GBE1: variants seen among roughly 807,000 people sequenced by gnomAD.
GBE1 encodes 1,4-alpha-glucan branching enzyme 1.
In GBE1, 70 loss-of-function variants were observed where a neutral mutation model predicts 88.8. That is an observed-to-expected ratio of 0.79 (90% CI 0.65 to 0.96). The LOEUF is 0.96. Ranked by LOEUF, GBE1 falls within the 40% of genes least tolerant of loss-of-function variation. The pLI, the probability that GBE1 is intolerant of heterozygous loss-of-function variation, is 0.00. For missense variants in GBE1, 872 were observed against 871.0 expected (o/e 1.00, Z -0.01); for synonymous variants, 284 against 300.1 (o/e 0.95, Z 0.56).
At chr3:81,558,326 T>A (rs1248678945) in intron 12 of GBE1, among the ~76,000 whole-genome samples, 4 of 151,856 alleles carry the variant, frequency 2.6e-5, no homozygotes, top group African/African-American at 7.3e-5. Context: ...TTAGCCACCC[T>A]AAAAAAGACG....
intron 14 of GBE1, among the ~76,000 whole-genome samples, chr3:81,525,652 C>T (rs1183062202): frequency 6.6e-6 from 1 of 151,972 alleles, no homozygotes; most frequent in East Asian, 1.9e-4. Flanking sequence ...GCTGTGAATC[C>T]ATCTGGTCCT....
chr3:81,654,462 G>T (rs1576187069), intron 3 of GBE1: 1 of 152,088 alleles, frequency 6.6e-6, no homozygotes, highest in East Asian at 1.9e-4. Flanking sequence ...TAAAAAATCG[G>T]ATGTGTTCAG....
At chr3:81,739,274 C>G (rs577291257) in intron 1 of GBE1, among the ~76,000 whole-genome samples, 1 of 152,138 alleles carries the variant, frequency 6.6e-6, no homozygotes, top group Non-Finnish European at 1.5e-5. Context: ...TGACCCAAGT[C>G]TCAGCTTTTA....
intron 1 of GBE1, among the ~76,000 whole-genome samples, chr3:81,731,332 C>G (rs1275852945): frequency 6.6e-6 from 1 of 152,092 alleles, no homozygotes; most frequent in Non-Finnish European, 1.5e-5. Flanking sequence ...GATGACTGTA[C>G]ATGATTTTCT....
At chr3:81,552,493 G>C (rs1703284578) in intron 12 of GBE1, among the ~76,000 whole-genome samples, 1 of 145,130 alleles carries the variant, frequency 6.9e-6, no homozygotes, top group Admixed American at 7.0e-5. Flanking sequence ...CTCCAGCCTG[G>C]GAGACAGAGC....
chr3:81,639,823 G>A (rs913896177), intron 7 of GBE1, among the ~76,000 whole-genome samples: 5 of 152,108 alleles, frequency 3.3e-5, no homozygotes, highest in Admixed American at 6.5e-5. Context: ...CTGACAGCCA[G>A]CACCAACCGT....
intron 9 of GBE1, among the ~76,000 whole-genome samples, chr3:81,588,531 A>T (rs1259805074): frequency 6.6e-6 from 1 of 152,128 alleles, no homozygotes; most frequent in Non-Finnish European, 1.5e-5. Flanking sequence ...ACATATGGTA[A>T]TCATGAAACC....
rs1704703616 is a variant in GBE1 at position 81,642,772 on chromosome 3, T to C, written c.992+9A>G. 1.3e-6 allele frequency: 2 copies of C among 1,541,034 alleles called. No individual in the cohort carries two copies. Among genetic ancestry groups the C allele is most frequent in the East Asian group, 2.2e-5 (1 of 44,512 alleles). On this transcript the variant is annotated intron_variant, in intron 7 of 15. Coordinates refer to ENST00000429644, the MANE Select transcript of GBE1 (RefSeq NM_000158.4). Reference sequence around the variant, plus strand: ...CAATAGAAAACATTTCTATATTGTATGTACCTACCTGGAGTAGGCAAACAA... The same window carrying C: ...CAATAGAAAACATTTCTATATTGTACGTACCTACCTGGAGTAGGCAAACAA...
intron 7 of GBE1, among the ~76,000 whole-genome samples, chr3:81,630,560 AT>A (rs1287969220): frequency 6.6e-6 from 1 of 152,180 alleles, no homozygotes; most frequent in Non-Finnish European, 1.5e-5. Flanking sequence ...TTACTACAAA[AT>A]TTAAGTATGT....
chr3:81,653,686 A>G (rs1386919972), intron 3 of GBE1, among the ~76,000 whole-genome samples: 1 of 152,226 alleles, frequency 6.6e-6, no homozygotes, highest in Non-Finnish European at 1.5e-5. Context: ...ATTTAAGCAT[A>G]TTAAAGGTTG....
chr3:81,561,550 TACTG>T (rs1485527938), intron 12 of GBE1, among the ~76,000 whole-genome samples: 7 of 152,180 alleles, frequency 4.6e-5, no homozygotes, highest in African/African-American at 1.4e-4. Flanking sequence ...ATATAAAATT[TACTG>T]ACTGACATGA....
At position 81,526,456 on chromosome 3, in the gene GBE1, G is replaced by T. The variant is rs556141642; in HGVS notation, c.1934+8739C>A. Among the ~76,000 whole-genome samples the T allele has an allele frequency of 1.3e-3, 202 of 152,186 alleles. 1 individual carries two copies. Among genetic ancestry groups the T allele is most frequent in the African/African-American group, 4.7e-3 (197 of 41,540 alleles). On this transcript the variant is annotated intron_variant, in intron 14 of 15. Transcript: ENST00000429644. ...GTCCCTGTTTGCAGATGACATGATT[G>T]TATATCTAGAAAACCCCATTGTCTC...
At chr3:81,721,173 C>A (rs557353466) in intron 1 of GBE1, among the ~76,000 whole-genome samples, 1 of 97,666 alleles carries the variant, frequency 1.0e-5, no homozygotes, top group Non-Finnish European at 1.9e-5. Flanking sequence ...GCACAATGTG[C>A]ACATGTACCC....
chr3:81,680,978 T>C (rs1413424398), intron 2 of GBE1, among the ~76,000 whole-genome samples: 4 of 152,248 alleles, frequency 2.6e-5, no homozygotes, highest in Admixed American at 2.6e-4. Flanking sequence ...TGTGCTACTT[T>C]GTTGTAACAG....
intron 14 of GBE1, among the ~76,000 whole-genome samples, chr3:81,532,482 T>C (rs1220969477): frequency 1.3e-5 from 2 of 152,098 alleles, no homozygotes; most frequent in African/African-American, 2.4e-5. Flanking sequence ...CGTATACTTT[T>C]TCTATTCTAT....
At chr3:81,533,560 A>T (rs1236669664) in intron 14 of GBE1, among the ~76,000 whole-genome samples, 1 of 152,048 alleles carries the variant, frequency 6.6e-6, no homozygotes, top group African/African-American at 2.4e-5. Flanking sequence ...GCTGCAGGCT[A>T]CTTACTAAAA....
intron 12 of GBE1, among the ~76,000 whole-genome samples, chr3:81,548,890 T>C (rs1447988474): frequency 1.3e-5 from 2 of 151,274 alleles, no homozygotes; most frequent in East Asian, 3.9e-4. Context: ...TGCTTTGTTT[T>C]TCAGAGTCAA....
At chr3:81,719,140 A>C (rs1265224260) in intron 1 of GBE1, among the ~76,000 whole-genome samples, 2 of 152,126 alleles carry the variant, frequency 1.3e-5, no homozygotes, top group African/African-American at 2.4e-5. Flanking sequence ...AAAATGTATC[A>C]CTTACAGTAA....
rs1553685863 is a variant in GBE1, at chr3:81,612,235, A to AAC, written c.993-18213_993-18212insGT. The AAC allele has an allele frequency of 7.6e-4, 390 of 512,596 alleles. 3 individuals are homozygous for AAC. Among genetic ancestry groups the AAC allele is most frequent in the African/African-American group, 7.4e-3 (361 of 48,608 alleles). 31.8% of individuals were successfully genotyped at this position (512,596 alleles called of 1,614,324 possible). A position where few individuals can be genotyped will look rare whatever the true frequency, so the allele number is the denominator to read the frequency against. On this transcript the variant is annotated intron_variant, in intron 7 of 15. Coordinates refer to ENST00000429644, the MANE Select transcript of GBE1 (RefSeq NM_000158.4). The stretch of plus-strand genomic sequence containing the variant: ...CACGCTCCTTTAAAAAAAAAAAAAA[A>AAC]AAAAAAAACTTAAAGAAGCTCTCTG...
Sources: allele counts gnomAD v4.1 joint callset (sites outside exome capture counted in the v4.1 genomes callset), GRCh38; gene constraint gnomAD v4.1.1; transcripts MANE v1.5; gene names NCBI Gene and HGNC (gene_info 2026-07-23, HGNC 2026-07-21).